Variants in ADAMTSL1 observed in about 807,000 individuals in gnomAD.
The protein encoded by ADAMTSL1 is ADAMTS like 1.
In ADAMTSL1, 126 loss-of-function variants were observed where a neutral mutation model predicts 201.8. The observed-to-expected ratio is 0.62, with a 90% CI of 0.54 to 0.72. ADAMTSL1 has a LOEUF of 0.72. Ranked by LOEUF, ADAMTSL1 falls within the 30% of genes least tolerant of loss-of-function variation. The probability of loss-of-function intolerance (pLI) is 0.00; values close to 1 mark genes in which losing one functional copy is unlikely to be tolerated. For missense variants in ADAMTSL1, 2,679 were observed against 2,277.8 expected, an observed-to-expected ratio of 1.18 and a Z score of -3.59; for synonymous variants, 1,121 against 903.4, an observed-to-expected ratio of 1.24 and a Z score of -4.32.
At chr9:18,142,392 A>C (rs1328051340) in intron 1 of ADAMTSL1, among the ~76,000 whole-genome samples, 1 of 152,256 alleles carries the variant, frequency 6.6e-6, no homozygotes, top group East Asian at 1.9e-4. Context: ...AATGAAATTA[A>C]GACCGGCTCT....
chr9:18,003,210 C>G (rs1042798611), intron 1 of ADAMTSL1, among the ~76,000 whole-genome samples: 1 of 152,000 alleles, frequency 6.6e-6, no homozygotes, highest in Admixed American at 6.6e-5. Context: ...CACGCTGACT[C>G]CAGATTCTTG....
At chr9:18,770,972 G>A (rs1820657997) in intron 17 of ADAMTSL1, among the ~76,000 whole-genome samples, 191 bp downstream of exon 17, 1 of 152,202 alleles carries the variant, frequency 6.6e-6, no homozygotes, top group Non-Finnish European at 1.5e-5. Context: ...GAGTTACGCA[G>A]CCAGCCCTTA....
intron 3 of ADAMTSL1, among the ~76,000 whole-genome samples, chr9:18,541,529 T>A (rs999962199): frequency 1.6e-4 from 24 of 149,752 alleles, no homozygotes; most frequent in Admixed American, 8.0e-4. Context: ...AAAAAAAAAA[T>A]TTATGGGTGG....
chr9:18,334,790 C>G (rs1468839063), intron 2 of ADAMTSL1, among the ~76,000 whole-genome samples: 1 of 152,050 alleles, frequency 6.6e-6, no homozygotes, highest in African/African-American at 2.4e-5. Flanking sequence ...TTTAAAGCTA[C>G]CACTTCCATT....
At chr9:18,582,025 G>T (rs1823130945) in intron 4 of ADAMTSL1, among the ~76,000 whole-genome samples, 1 of 152,154 alleles carries the variant, frequency 6.6e-6, no homozygotes, top group Admixed American at 6.5e-5. Flanking sequence ...AGTCTTTCTT[G>T]CAATTAACAG....
At chr9:18,382,679 C>T (rs1374074650) in intron 2 of ADAMTSL1, among the ~76,000 whole-genome samples, 2 of 152,062 alleles carry the variant, frequency 1.3e-5, no homozygotes. Flanking sequence ...ACCAGGGCTT[C>T]AGGATGTACC....
chr9:18,870,541 G>A (rs921468936), intron 23 of ADAMTSL1, among the ~76,000 whole-genome samples: 19 of 152,058 alleles, frequency 1.2e-4, no homozygotes, highest in Non-Finnish European at 1.8e-4. Flanking sequence ...GAAATTCATC[G>A]CCTTTGTTGC....
chr9:18,605,020 T>A (rs1824922262), intron 4 of ADAMTSL1, among the ~76,000 whole-genome samples: 1 of 152,170 alleles, frequency 6.6e-6, no homozygotes. Flanking sequence ...CTCACTGTAG[T>A]GGAGATCATG....
intron 2 of ADAMTSL1, among the ~76,000 whole-genome samples, chr9:18,380,314 C>A (rs1029496869): frequency 1.3e-5 from 2 of 151,874 alleles, no homozygotes; most frequent in African/African-American, 4.8e-5. Flanking sequence ...AGAATGAATG[C>A]ACAATTTGTG....
chr9:18,536,600 T>C (rs947448710), intron 3 of ADAMTSL1, among the ~76,000 whole-genome samples: 2 of 152,174 alleles, frequency 1.3e-5, no homozygotes, highest in African/African-American at 4.8e-5. Context: ...GTGTAGCTGG[T>C]TCAAGAAGAC....
intron 3 of ADAMTSL1, among the ~76,000 whole-genome samples, chr9:18,549,955 T>A (rs1366413851): frequency 3.3e-5 from 5 of 152,018 alleles, no homozygotes; most frequent in Non-Finnish European, 7.4e-5. Context: ...GTGACTCGTA[T>A]GCACATTAAA....
intron 2 of ADAMTSL1, among the ~76,000 whole-genome samples, chr9:18,235,515 G>T (rs980066023): frequency 1.3e-5 from 2 of 152,170 alleles, no homozygotes; most frequent in Admixed American, 6.5e-5. Context: ...TTCTAGAGCT[G>T]CCCTGCTATA....
chr9:18,622,366 A>C lies in ADAMTSL1; in HGVS notation c.598A>C (p.Lys200Gln). The change falls in exon 5 of 29, where the codon AAA (lysine) becomes CAA (glutamine). Residue 200 changes from lysine to glutamine, a missense_variant. Coordinates refer to ENST00000380548, the MANE Select transcript of ADAMTSL1 (RefSeq NM_001040272.6). ...GTATAAATCCCAGCTCTCCGCAACC[A>C]AATGTAAGACACACAGAGATGGGCG... ...GQYKSQLSATKSDDTVVAIPY... is the reference protein window; with the variant it reads ...GQYKSQLSATQSDDTVVAIPY... 6.2e-7 allele frequency: 1 copy of C among 1,614,050 alleles called. No homozygotes were observed. The highest frequency in any genetic ancestry group is 1.1e-5 in the South Asian group (1 of 91,086).
intron 4 of ADAMTSL1, among the ~76,000 whole-genome samples, chr9:18,594,144 T>G (rs1187865666): frequency 6.6e-6 from 1 of 152,144 alleles, no homozygotes; most frequent in Non-Finnish European, 1.5e-5. Context: ...TACAATCTTT[T>G]TGTTGACATT....
At chr9:18,199,166 G>A (rs1310370885) in intron 2 of ADAMTSL1, among the ~76,000 whole-genome samples, 4 of 151,550 alleles carry the variant, frequency 2.6e-5, no homozygotes, top group African/African-American at 7.3e-5. Context: ...GCTAGATGAC[G>A]AGTTAGTGGG....
At chr9:18,758,084 C>G (rs1819874493) in intron 16 of ADAMTSL1, among the ~76,000 whole-genome samples, 1 of 152,174 alleles carries the variant, frequency 6.6e-6, no homozygotes, top group Non-Finnish European at 1.5e-5. Context: ...TGAACATTCT[C>G]TTTTAACACT....
intron 1 of ADAMTSL1, among the ~76,000 whole-genome samples, chr9:17,928,477 G>GCCAA (rs1826644501): frequency 6.6e-6 from 1 of 152,154 alleles, no homozygotes; most frequent in Admixed American, 6.5e-5. Flanking sequence ...TCCACCTTTA[G>GCCAA]CCAAATCAAC....
intron 2 of ADAMTSL1, among the ~76,000 whole-genome samples, chr9:18,349,800 A>G (rs1013740872): frequency 6.6e-6 from 1 of 152,110 alleles, no homozygotes; most frequent in Non-Finnish European, 1.5e-5. Context: ...TGATCCTCTC[A>G]AGGGTTGACT....
chr9:18,367,714 G>C (rs1481021331), intron 2 of ADAMTSL1, among the ~76,000 whole-genome samples: 1 of 151,970 alleles, frequency 6.6e-6, no homozygotes, highest in Non-Finnish European at 1.5e-5. Context: ...CGGAAAGTTA[G>C]GAACAAAGAG....
Sources: allele counts gnomAD v4.1 joint callset (sites outside exome capture counted in the v4.1 genomes callset), GRCh38; gene constraint gnomAD v4.1.1; transcripts MANE v1.5; gene names NCBI Gene and HGNC (gene_info 2026-07-23, HGNC 2026-07-21).